CAPZB: variants seen among roughly 807,000 people sequenced by gnomAD.
CAPZB encodes the protein F-actin-capping protein subunit beta.
CAPZB carries 2 observed loss-of-function variants against 38.1 expected under a neutral mutation model. The observed-to-expected ratio is 0.05, with a 90% confidence interval of 0.02 to 0.17. The LOEUF (loss-of-function observed/expected upper bound fraction) is 0.17, where lower values mean the gene tolerates loss of function less well. CAPZB is among the 10% of genes least tolerant of loss of function. The pLI is 1.00. For missense variants in CAPZB, 161 were observed against 334.2 expected, an observed-to-expected ratio of 0.48 and a Z score of 4.04; for synonymous variants, 107 against 127.4, an observed-to-expected ratio of 0.84 and a Z score of 1.08.
chr1:19,375,924 CATG>C (rs1166805689), intron 4 of CAPZB, among the ~76,000 whole-genome samples: 14 of 152,250 alleles, frequency 9.2e-5, no homozygotes, highest in African/African-American at 3.4e-4. Context: ...GGGAAATTCT[CATG>C]ATAACAGGCC....
chr1:19,423,629 A>G (rs2094410419), intron 1 of CAPZB, among the ~76,000 whole-genome samples: 1 of 146,500 alleles, frequency 6.8e-6, no homozygotes, highest in Non-Finnish European at 1.5e-5. Flanking sequence ...GGCTCAAGCT[A>G]TCCTCCCATC....
chr1:19,408,588 G>C (rs2094343705), intron 2 of CAPZB, among the ~76,000 whole-genome samples: 1 of 152,212 alleles, frequency 6.6e-6, no homozygotes, highest in African/African-American at 2.4e-5. Context: ...GAGAAACTGA[G>C]GTCTCTTCTG....
At chr1:19,415,135 T>C (rs1424538329) in intron 2 of CAPZB, among the ~76,000 whole-genome samples, 4 of 152,274 alleles carry the variant, frequency 2.6e-5, no homozygotes. Flanking sequence ...GGCCCTGACA[T>C]CTTAAGCGAG....
intron 1 of CAPZB, among the ~76,000 whole-genome samples, chr1:19,470,818 G>T (rs1410124436): frequency 1.3e-5 from 2 of 152,194 alleles, no homozygotes; most frequent in African/African-American, 4.8e-5. Context: ...TAAATTCATA[G>T]GATCCCATGC....
At chr1:19,352,177 T>C (rs976872673) in intron 6 of CAPZB, among the ~76,000 whole-genome samples, 4 of 152,216 alleles carry the variant, frequency 2.6e-5, no homozygotes, top group African/African-American at 9.6e-5. Flanking sequence ...GACAAAAATA[T>C]ACTGCCTGGC....
chr1:19,412,844 T>C (rs12404352), intron 2 of CAPZB, among the ~76,000 whole-genome samples: 1 of 152,186 alleles, frequency 6.6e-6, no homozygotes, highest in Non-Finnish European at 1.5e-5. Flanking sequence ...AACACCTTTA[T>C]GAGTAAGTAA....
intron 1 of CAPZB, among the ~76,000 whole-genome samples, chr1:19,433,992 A>G (rs2094450335): frequency 6.6e-6 from 1 of 152,248 alleles, no homozygotes; most frequent in Non-Finnish European, 1.5e-5. Context: ...AGTTTTAAAC[A>G]TATTTTAGTG....
chr1:19,342,874 G>A (rs778115578), intron 8 of CAPZB: 3 of 1,526,444 alleles, frequency 2.0e-6, no homozygotes, highest in South Asian at 2.2e-5. Flanking sequence ...TCTACAGAGA[G>A]TGTTCAAGAT....
chr1:19,387,562 T>C (rs966361688), intron 2 of CAPZB, among the ~76,000 whole-genome samples: 1 of 152,240 alleles, frequency 6.6e-6, no homozygotes, highest in Non-Finnish European at 1.5e-5. Context: ...TTGGCTTATC[T>C]GTTGGGCCTC....
At chr1:19,378,053 G>GA in intron 4 of CAPZB, among the ~76,000 whole-genome samples, 1 of 152,348 alleles carries the variant, frequency 6.6e-6, no homozygotes. Context: ...GGCCTTTGGA[G>GA]ATAAACAGGT....
chr1:19,376,410 C>A (rs2094144954), intron 4 of CAPZB, among the ~76,000 whole-genome samples: 2 of 152,174 alleles, frequency 1.3e-5, no homozygotes, highest in Admixed American at 1.3e-4. Context: ...ATAAAAGGGG[C>A]CAATTTTGCC....
At chr1:19,455,159 CG>C (rs906733458) in intron 1 of CAPZB, among the ~76,000 whole-genome samples, 72 of 152,334 alleles carry the variant, frequency 4.7e-4, no homozygotes, top group African/African-American at 1.5e-3. Flanking sequence ...TCATGCCTCC[CG>C]TCCCGGGAGC....
chr1:19,353,396 A>AC (rs2094002559), intron 6 of CAPZB, among the ~76,000 whole-genome samples: 1 of 151,490 alleles, frequency 6.6e-6, no homozygotes, highest in Non-Finnish European at 1.5e-5. Context: ...CTCTCATCTG[A>AC]CCCCCACCTC....
At chr1:19,479,297 G>T (rs964715752) in intron 1 of CAPZB, among the ~76,000 whole-genome samples, 1 of 152,168 alleles carries the variant, frequency 6.6e-6, no homozygotes, top group African/African-American at 2.4e-5. Context: ...TCAGCAGACT[G>T]GTGTCTTAGG....
At chr1:19,361,428 G>A (rs1472742330) in intron 4 of CAPZB, among the ~76,000 whole-genome samples, 1 of 152,232 alleles carries the variant, frequency 6.6e-6, no homozygotes, top group Non-Finnish European at 1.5e-5. Context: ...CGAGACAAAG[G>A]GAGCAGAGGA....
chr1:19,350,273 G>A (rs74056808), intron 6 of CAPZB, among the ~76,000 whole-genome samples: 2,529 of 152,394 alleles, frequency 0.017, 80 homozygotes, highest in African/African-American at 0.058. Flanking sequence ...GAGAGGAAAG[G>A]GCCTGGGCTT....
At chr1:19,431,090 T>C (rs140318130) in intron 1 of CAPZB, among the ~76,000 whole-genome samples, 1 of 152,220 alleles carries the variant, frequency 6.6e-6, no homozygotes, top group Non-Finnish European at 1.5e-5. Flanking sequence ...GACTGACCCA[T>C]AACAAATGAG....
intron 6 of CAPZB, among the ~76,000 whole-genome samples, chr1:19,347,460 T>C (rs1569879620): frequency 6.6e-6 from 1 of 152,068 alleles, no homozygotes; most frequent in African/African-American, 2.4e-5. Flanking sequence ...CCGATAGGGG[T>C]AGGGACCTGG....
intron 8 of CAPZB, among the ~76,000 whole-genome samples, chr1:19,343,291 T>G (rs1221459592): frequency 6.6e-6 from 1 of 152,136 alleles, no homozygotes; most frequent in African/African-American, 2.4e-5. Flanking sequence ...CAAAGAGGAC[T>G]CCTCCTCTGT....
Sources: gnomAD v4.1 joint callset for allele counts (sites outside exome capture counted in the v4.1 genomes callset) on GRCh38, gnomAD v4.1.1 for gene constraint, MANE v1.5 for transcripts, NCBI Gene and HGNC (gene_info 2026-07-23, HGNC 2026-07-21) for gene names.